FOXO1: variants seen among roughly 807,000 people sequenced by gnomAD.
The protein encoded by FOXO1 is forkhead box protein O1.
FOXO1 carries 6 observed loss-of-function variants against 44.1 expected under a neutral mutation model. The ratio of observed to expected loss-of-function variants is 0.14; its 90% CI spans 0.07 to 0.27. FOXO1 has a LOEUF of 0.27. FOXO1 is among the 10% of genes least tolerant of loss of function. FOXO1 has a pLI of 1.00. For missense variants in FOXO1, 737 were observed against 888.8 expected (o/e 0.83, Z 2.17); for synonymous variants, 380 against 362.7 (o/e 1.05, Z -0.54).
chr13:40,577,475 G>C (rs1231532438), intron 1 of FOXO1, among the ~76,000 whole-genome samples: 2 of 152,132 alleles, frequency 1.3e-5, no homozygotes, highest in African/African-American at 4.8e-5. Flanking sequence ...TTAGCAGACA[G>C]TTCAAATATT....
At chr13:40,613,420 TA>T (rs11370060) in intron 1 of FOXO1, among the ~76,000 whole-genome samples, 144 of 146,874 alleles carry the variant, frequency 9.8e-4, no homozygotes, top group African/African-American at 1.1e-3. Flanking sequence ...GTTTGGTGTT[TA>T]AAAAAAAAAA....
chr13:40,625,661 A>G (rs1055229021), intron 1 of FOXO1, among the ~76,000 whole-genome samples: 1 of 99,000 alleles, frequency 1.0e-5, no homozygotes, highest in Non-Finnish European at 2.3e-5. Flanking sequence ...TTCACTTTAA[A>G]AAAAAAAAAA....
At chr13:40,590,671 G>A (rs1414442475) in intron 1 of FOXO1, among the ~76,000 whole-genome samples, 7 of 152,294 alleles carry the variant, frequency 4.6e-5, no homozygotes, top group South Asian at 2.1e-4. Flanking sequence ...CAGCTTTGCC[G>A]TCAACGGGAG....
intron 1 of FOXO1, among the ~76,000 whole-genome samples, chr13:40,604,384 C>CTTTTT: frequency 6.8e-6 from 1 of 146,610 alleles, no homozygotes; most frequent in Admixed American, 6.8e-5. Flanking sequence ...GGTGTCAGAT[C>CTTTTT]TTTTTTTTTT....
chr13:40,612,590 C>G (rs1876273170), intron 1 of FOXO1, among the ~76,000 whole-genome samples: 1 of 152,192 alleles, frequency 6.6e-6, no homozygotes, highest in Non-Finnish European at 1.5e-5. Context: ...TCATCCCAGG[C>G]ACAACATTTC....
chr13:40,637,440 T>TCA (rs1877197536), intron 1 of FOXO1, among the ~76,000 whole-genome samples: 1 of 62,568 alleles, frequency 1.6e-5, no homozygotes, highest in African/African-American at 7.8e-5. Flanking sequence ...TGAGACTCCA[T>TCA]CACAAAAAAA....
At chr13:40,610,251 A>G (rs1206320332) in intron 1 of FOXO1, among the ~76,000 whole-genome samples, 1 of 152,124 alleles carries the variant, frequency 6.6e-6, no homozygotes, top group Non-Finnish European at 1.5e-5. Flanking sequence ...ATAACAACCT[A>G]TTTATATATG....
At chr13:40,615,488 C>T (rs996775329) in intron 1 of FOXO1, among the ~76,000 whole-genome samples, 2 of 152,010 alleles carry the variant, frequency 1.3e-5, no homozygotes, top group African/African-American at 2.4e-5. Flanking sequence ...GCCAAGATCG[C>T]ACCACTGCAC....
At chr13:40,659,314 C>CAAAAAAAAAAAAAA (rs1210028542) in intron 1 of FOXO1, among the ~76,000 whole-genome samples, 2 of 87,626 alleles carry the variant, frequency 2.3e-5, no homozygotes, top group East Asian at 2.8e-4. Flanking sequence ...GACTCCGTCT[C>CAAAAAAAAAAAAAA]AAAAAAAAAA....
chr13:40,567,690 G>A (rs951840280), intron 1 of FOXO1, among the ~76,000 whole-genome samples: 6 of 151,898 alleles, frequency 4.0e-5, no homozygotes, highest in Non-Finnish European at 7.4e-5. Context: ...CACAATGTGG[G>A]CGGGCGTGGT....
At chr13:40,576,276 C>T (rs1377962757) in intron 1 of FOXO1, among the ~76,000 whole-genome samples, 1 of 152,004 alleles carries the variant, frequency 6.6e-6, no homozygotes, top group Non-Finnish European at 1.5e-5. Flanking sequence ...CTTAACACAG[C>T]AGCATGTTTT....
chr13:40,640,815 G>C (rs1396234851), intron 1 of FOXO1, among the ~76,000 whole-genome samples: 3 of 151,492 alleles, frequency 2.0e-5, no homozygotes, highest in Non-Finnish European at 4.4e-5. Flanking sequence ...CAGAGTTTTT[G>C]CTCTGTTTCC....
At chr13:40,621,542 A>C (rs1412286525) in intron 1 of FOXO1, among the ~76,000 whole-genome samples, 1 of 152,236 alleles carries the variant, frequency 6.6e-6, no homozygotes, top group African/African-American at 2.4e-5. Flanking sequence ...ACAAACATTA[A>C]ATTATCCAGA....
chr13:40,579,357 G>A (rs942395863), intron 1 of FOXO1, among the ~76,000 whole-genome samples: 3 of 152,202 alleles, frequency 2.0e-5, no homozygotes, highest in African/African-American at 7.2e-5. Context: ...ATCCACGCCA[G>A]GTCGGATTAC....
At chr13:40,582,113 T>C (rs1874977695) in intron 1 of FOXO1, among the ~76,000 whole-genome samples, 1 of 152,228 alleles carries the variant, frequency 6.6e-6, no homozygotes, top group Admixed American at 6.5e-5. Flanking sequence ...ACTTCCAGAA[T>C]ACCACAATAA....
In FOXO1 at chr13:40,560,028, T is replaced by C. The variant is rs12865456; in HGVS notation, c.1463A>G (p.Asn488Ser). 19 of 1,613,982 alleles carry C rather than the reference T, an allele frequency of 1.2e-5. No homozygotes were observed. Among genetic ancestry groups the C allele is most frequent in the Non-Finnish European group, 1.6e-5 (19 of 1,180,030 alleles). Residue 488 changes from asparagine (N) to serine (S), a missense_variant, in exon 2 of 3, where the codon AAC becomes AGC. Physicochemically the swap from Asn to Ser is conservative, Grantham distance 46. Coordinates refer to ENST00000379561, the MANE Select transcript of FOXO1 (RefSeq NM_002015.4). The surrounding 1 kb of genome is among the most constrained non-coding windows in gnomAD (Gnocchi z 5.1). ...TPVDPGVAQP[N>S]SRVLGQNVMM... is the part of the protein sequence containing the mutation. ...GACGTTCTGGCCCAGAACCCGGCTG[T>C]TGGGCTGGGCTACCCCAGGATCAAC... is the stretch of plus-strand genomic sequence containing the variant.
At chr13:40,579,330 AAGG>A (rs1484666762) in intron 1 of FOXO1, among the ~76,000 whole-genome samples, 3 of 152,194 alleles carry the variant, frequency 2.0e-5, no homozygotes, top group East Asian at 1.9e-4. Context: ...TTGATGGATG[AAGG>A]AGGAGACCAG....
chr13:40,594,117 T>C (rs768050911), intron 1 of FOXO1, among the ~76,000 whole-genome samples: 6 of 152,182 alleles, frequency 3.9e-5, no homozygotes, highest in Non-Finnish European at 7.4e-5. Flanking sequence ...AAGTCAACTA[T>C]ATAATTATCA....
intron 1 of FOXO1, among the ~76,000 whole-genome samples, chr13:40,588,173 T>C (rs903942999): frequency 2.0e-5 from 3 of 152,034 alleles, no homozygotes; most frequent in Admixed American, 6.6e-5. Flanking sequence ...AGAAACTGAG[T>C]AGAGGAGGAT....
Sources: gnomAD v4.1 joint callset for allele counts (sites outside exome capture counted in the v4.1 genomes callset) on GRCh38, gnomAD v4.1.1 for gene constraint, Gnocchi (gnomAD v3.1) non-coding constraint, MANE v1.5 for transcripts, NCBI Gene and HGNC (gene_info 2026-07-23, HGNC 2026-07-21) for gene names.